Variants in PPP3CA observed in about 807,000 individuals in gnomAD.
PPP3CA encodes the protein CAM-PRP catalytic subunit.
PPP3CA carries 14 observed loss-of-function variants against 66.5 expected under a neutral mutation model. That is an observed-to-expected ratio of 0.21 (90% confidence interval 0.14 to 0.33). The LOEUF (loss-of-function observed/expected upper bound fraction) is 0.33. PPP3CA is among the 10% of genes least tolerant of loss of function. PPP3CA has a pLI of 1.00. For synonymous variants in PPP3CA, 232 were observed against 226.2 expected (o/e 1.03, Z -0.23); for missense variants, 317 against 639.5 (o/e 0.50, Z 5.44).
At chr4:101,314,284 A>G in intron 1 of PPP3CA, among the ~76,000 whole-genome samples, 1 of 152,224 alleles carries the variant, frequency 6.6e-6, no homozygotes, top group Admixed American at 6.5e-5. Context: ...TCAAATTTCA[A>G]TTAAGATGTT....
intron 1 of PPP3CA, among the ~76,000 whole-genome samples, chr4:101,277,821 A>C (rs1727550476): frequency 6.6e-6 from 1 of 152,172 alleles, no homozygotes; most frequent in Non-Finnish European, 1.5e-5. Flanking sequence ...CAGTGGTCTA[A>C]GAGTGTTCAG....
rs11932235 is a variant in PPP3CA, at chr4:101,129,650, G to T, written c.260-20572C>A. Reference sequence around the variant, plus strand: ...CAAACTCCAGCAGACCTGCAGCAGAGGGGCCTGACTGTTAGAAGGAAAACT... The same window carrying T: ...CAAACTCCAGCAGACCTGCAGCAGATGGGCCTGACTGTTAGAAGGAAAACT... On this transcript the variant is annotated intron_variant, in intron 2 of 13. Transcript: ENST00000394854. 4.4e-4 allele frequency among the ~76,000 whole-genome samples: 67 copies of T among 152,192 alleles called. 1 individual carries two copies. Among genetic ancestry groups the T allele is most frequent in the African/African-American group, 1.6e-3 (66 of 41,444 alleles).
intron 1 of PPP3CA, among the ~76,000 whole-genome samples, chr4:101,276,193 C>T (rs1026613563): frequency 6.6e-6 from 1 of 152,050 alleles, no homozygotes; most frequent in African/African-American, 2.4e-5. Context: ...CCGCTCCTGG[C>T]CTTATCAAGG....
chr4:101,110,253 C>A (rs1321164651), intron 2 of PPP3CA, among the ~76,000 whole-genome samples: 1 of 152,030 alleles, frequency 6.6e-6, no homozygotes, highest in African/African-American at 2.4e-5. Context: ...CACATTATAT[C>A]CTGCAATTAC....
intron 1 of PPP3CA, among the ~76,000 whole-genome samples, chr4:101,245,383 G>A (rs1332191393): frequency 6.6e-6 from 1 of 152,266 alleles, no homozygotes; most frequent in East Asian, 1.9e-4. Context: ...TTATCCCGAA[G>A]AGTACAAACA....
intron 1 of PPP3CA, among the ~76,000 whole-genome samples, chr4:101,331,196 G>T (rs376377209): frequency 6.6e-6 from 1 of 152,178 alleles, no homozygotes; most frequent in Non-Finnish European, 1.5e-5. Context: ...AAAAGCCCAG[G>T]ATCTGAGTCA....
chr4:101,069,329 T>C (rs977610235), intron 8 of PPP3CA, among the ~76,000 whole-genome samples: 2 of 152,210 alleles, frequency 1.3e-5, no homozygotes, highest in South Asian at 2.1e-4. Flanking sequence ...TATGTTACTA[T>C]ATATAATCAC....
At chr4:101,314,162 CA>C (rs1271233830) in intron 1 of PPP3CA, among the ~76,000 whole-genome samples, 1 of 152,026 alleles carries the variant, frequency 6.6e-6, no homozygotes, top group Non-Finnish European at 1.5e-5. Flanking sequence ...CAGAAATTTG[CA>C]AAAATATGTT....
In PPP3CA at chr4:101,330,018, G is replaced by A. The variant is rs529716675; in HGVS notation, c.58+16721C>T. Among the ~76,000 whole-genome samples the A allele has an allele frequency of 9.9e-5, 15 of 152,146 alleles. No individual in the cohort carries two copies. In the East Asian group the frequency reaches 2.9e-3, roughly 29 times the overall value. On this transcript the variant is annotated intron_variant, in intron 1 of 13. Coordinates refer to ENST00000394854, the MANE Select transcript of PPP3CA (RefSeq NM_000944.5). ...ACTATTTAAGAAATATATCTCATAA[G>A]ACTGTCACTGCCATACATAGTGATT...
chr4:101,262,963 G>A (rs1191408813), intron 1 of PPP3CA, among the ~76,000 whole-genome samples: 2 of 152,090 alleles, frequency 1.3e-5, no homozygotes, highest in Non-Finnish European at 2.9e-5. Context: ...CACTCAACTG[G>A]AGAGAAACAA....
intron 13 of PPP3CA, among the ~76,000 whole-genome samples, chr4:101,027,366 T>C (rs906729719): frequency 7.9e-5 from 12 of 152,030 alleles, no homozygotes; most frequent in African/African-American, 1.9e-4. Context: ...CTAAAAGATA[T>C]ACACAGTTGT....
intron 1 of PPP3CA, among the ~76,000 whole-genome samples, chr4:101,255,467 T>G (rs1166911102): frequency 1.3e-5 from 2 of 151,894 alleles, no homozygotes; most frequent in Admixed American, 6.6e-5. Flanking sequence ...TCACTAGCAC[T>G]TATGATATAC....
At chr4:101,240,844 A>G (rs1262239081) in intron 1 of PPP3CA, 1 of 152,060 alleles carries the variant, frequency 6.6e-6, no homozygotes, top group Non-Finnish European at 1.5e-5. Context: ...AGAGGCAACA[A>G]TATGTTCCAC....
chr4:101,113,486 T>C (rs752407135), intron 2 of PPP3CA, among the ~76,000 whole-genome samples: 2 of 152,056 alleles, frequency 1.3e-5, no homozygotes, highest in Non-Finnish European at 2.9e-5. Flanking sequence ...TTCACTATTA[T>C]ATGAAAGAAT....
rs1455553127 is a variant in PPP3CA, at chr4:101,346,609, T to C, written c.58+130A>G. ...GGGGTTCGCGGGTTGCACAATATCC[T>C]AGAAGGTCCGCGGCTGGAGCGGACA... On this transcript the variant is annotated intron_variant, in intron 1 of 13. Transcript: ENST00000394854. 4 of 809,870 alleles carry C rather than the reference T, an allele frequency of 4.9e-6. No individual in the cohort carries two copies. The African/African-American group carries it at 5.4e-5, about 11-fold the overall frequency. 50.2% of individuals were successfully genotyped at this position (809,870 alleles called of 1,614,324 possible).
At chr4:101,113,825 T>C (rs1721755115) in intron 2 of PPP3CA, among the ~76,000 whole-genome samples, 1 of 152,152 alleles carries the variant, frequency 6.6e-6, no homozygotes, top group Non-Finnish European at 1.5e-5. Flanking sequence ...CCCAAGATAC[T>C]GGTGTCCAAA....
At chr4:101,135,679 AG>A (rs1249655598) in intron 2 of PPP3CA, among the ~76,000 whole-genome samples, 1 of 152,254 alleles carries the variant, frequency 6.6e-6, no homozygotes, top group African/African-American at 2.4e-5. Flanking sequence ...CTGAAGAAAA[AG>A]AAAATTCATT....
At chr4:101,131,747 G>A (rs1186459471) in intron 2 of PPP3CA, among the ~76,000 whole-genome samples, 1 of 152,158 alleles carries the variant, frequency 6.6e-6, no homozygotes, top group Non-Finnish European at 1.5e-5. Flanking sequence ...TCTGGACCAA[G>A]CAGACCTAAT....
chr4:101,243,443 T>A (rs1420541998), intron 1 of PPP3CA, among the ~76,000 whole-genome samples: 1 of 152,096 alleles, frequency 6.6e-6, no homozygotes, highest in Non-Finnish European at 1.5e-5. Flanking sequence ...GTTCCACATC[T>A]ATGGATTCAA....
Sources: allele counts gnomAD v4.1 joint callset (sites outside exome capture counted in the v4.1 genomes callset), GRCh38; gene constraint gnomAD v4.1.1; transcripts MANE v1.5; gene names NCBI Gene and HGNC (gene_info 2026-07-23, HGNC 2026-07-21).